GNAO1: variants seen among roughly 807,000 people sequenced by gnomAD.
GNAO1 encodes G protein subunit alpha o1.
For synonymous variants in GNAO1, 164 were observed against 180.7 expected (o/e 0.91, Z 0.74); for missense variants, 166 against 478.7 (o/e 0.35, Z 6.10).
intron 2 of GNAO1, chr16:56,192,993 T>C (rs1409887845): frequency 1.0e-5 from 2 of 196,012 alleles, no homozygotes; most frequent in South Asian, 2.0e-4. Flanking sequence ...TCATTCTGTC[T>C]CTATTTCTTT....
intron 3 of GNAO1, among the ~76,000 whole-genome samples, chr16:56,325,689 T>G (rs1163910615): frequency 6.6e-6 from 1 of 152,008 alleles, no homozygotes; most frequent in Non-Finnish European, 1.5e-5. Flanking sequence ...CCTCCTCCAG[T>G]GCTGAGCATC....
At chr16:56,232,552 CT>C (rs2036599294) in intron 2 of GNAO1, among the ~76,000 whole-genome samples, 1 of 152,158 alleles carries the variant, frequency 6.6e-6, no homozygotes, top group Non-Finnish European at 1.5e-5. Context: ...TCCAACAGCT[CT>C]TTTTGTGTAA....
intron 2 of GNAO1, among the ~76,000 whole-genome samples, chr16:56,265,087 G>A (rs892659466): frequency 2.0e-4 from 31 of 152,320 alleles, no homozygotes; most frequent in African/African-American, 7.2e-4. Flanking sequence ...CCTCCCTTGG[G>A]AGAAGCACCC....
rs2037925227 is a variant in GNAO1 at position 56,351,895 on chromosome 16, C to T, written c.877+358C>T. ...TGTAATCTCAGCAGTGGCCTCCCCTCACCCCTGCCCAGAGCCCCACAGCAC... is the reference window on the plus strand; with the variant it reads ...TGTAATCTCAGCAGTGGCCTCCCCTTACCCCTGCCCAGAGCCCCACAGCAC... On this transcript the variant is annotated intron_variant, in intron 7 of 8. Transcript: ENST00000262493. This position sits in a 1 kb window ranked among gnomAD's most constrained non-coding sequence, Gnocchi z 6.1. 2 of 220,120 alleles carry T rather than the reference C, an allele frequency of 9.1e-6. No individual in the cohort carries two copies. The highest frequency in any genetic ancestry group is 1.9e-4 in the South Asian group (2 of 10,656). The allele number at this position is 220,120 out of a possible 1,614,324, so 13.6% of individuals were successfully genotyped here.
At chr16:56,282,128 A>G (rs1159631684) in intron 3 of GNAO1, among the ~76,000 whole-genome samples, 1 of 137,448 alleles carries the variant, frequency 7.3e-6, no homozygotes, top group Non-Finnish European at 1.6e-5. Flanking sequence ...CTCTAGCACA[A>G]TGCCTAATAC....
At chr16:56,278,356 C>A (rs186545912) in intron 3 of GNAO1, among the ~76,000 whole-genome samples, 1 of 152,324 alleles carries the variant, frequency 6.6e-6, no homozygotes, top group African/African-American at 2.4e-5. Flanking sequence ...GGCACTCAGG[C>A]ACCCCCTTCC....
intron 5 of GNAO1, among the ~76,000 whole-genome samples, chr16:56,335,551 A>C (rs1300492155): frequency 6.6e-6 from 1 of 152,218 alleles, no homozygotes; most frequent in Non-Finnish European, 1.5e-5. Flanking sequence ...CTGGATTCTA[A>C]TATTCCCTGC....
At chr16:56,349,444 A>C (rs1251217504) in intron 6 of GNAO1, among the ~76,000 whole-genome samples, 5 of 152,162 alleles carry the variant, frequency 3.3e-5, no homozygotes, top group Non-Finnish European at 5.9e-5. Flanking sequence ...GGACAGCCCG[A>C]GGCCCTGGAC....
intron 2 of GNAO1, among the ~76,000 whole-genome samples, chr16:56,236,443 T>C (rs2036637925): frequency 1.3e-5 from 2 of 152,040 alleles, no homozygotes; most frequent in Non-Finnish European, 2.9e-5. Context: ...AAAGTGGAGG[T>C]GGCTTTCTTA....
rs557158501 is a variant in GNAO1 at position 56,241,061 on chromosome 16, C to T, written c.162-34870C>T. Among the ~76,000 whole-genome samples, 4 of 152,336 alleles carry T rather than the reference C, an allele frequency of 2.6e-5. No homozygotes were observed. In the East Asian group the frequency reaches 7.7e-4, roughly 29 times the overall value. ...TACATGGTGGCCCAGGCTTTACTTC[C>T]TGCTTTTTGGAGTGGGACCTCGAGA... On this transcript the variant is annotated intron_variant, in intron 2 of 8. Coordinates refer to ENST00000262493, the MANE Select transcript of GNAO1 (RefSeq NM_020988.3).
At chr16:56,312,849 C>A (rs2037473782) in intron 3 of GNAO1, among the ~76,000 whole-genome samples, 1 of 152,198 alleles carries the variant, frequency 6.6e-6, no homozygotes, top group African/African-American at 2.4e-5. Context: ...ATAGCATGGG[C>A]TCACCGAGTC....
In GNAO1 at chr16:56,194,687, G is replaced by C. The variant is rs1211180692; in HGVS notation, c.161+2071G>C. The C allele has an allele frequency of 1.8e-5, 3 of 167,306 alleles. No individual in the cohort carries two copies. In the East Asian group the frequency reaches 4.7e-4, roughly 26 times the overall value. The allele number at this position is 167,306 out of a possible 1,614,324, so 10.4% of individuals were successfully genotyped here. A position where few individuals can be genotyped will look rare whatever the true frequency, so the allele number is the denominator to read the frequency against. On this transcript the variant is annotated intron_variant, in intron 2 of 8. Transcript: ENST00000262493. ...ACTCGGGGGAGGGGAGTGCGCAGGA[G>C]GGGAAGGAGGAGGGGGAGAGGCCAG...
At chr16:56,216,500 C>T (rs1248986803) in intron 2 of GNAO1, among the ~76,000 whole-genome samples, 1 of 152,208 alleles carries the variant, frequency 6.6e-6, no homozygotes, top group African/African-American at 2.4e-5. Flanking sequence ...TGCCCCAGCA[C>T]CTGCTTCAGG....
chr16:56,346,717 G>A (rs915115483), intron 6 of GNAO1: 11 of 985,558 alleles, frequency 1.1e-5, no homozygotes, highest in Non-Finnish European at 1.3e-5. Flanking sequence ...GGACGCAGCT[G>A]TCTCCCAGGC....
At chr16:56,231,657 TTAAA>T (rs1294759038) in intron 2 of GNAO1, among the ~76,000 whole-genome samples, 4 of 152,146 alleles carry the variant, frequency 2.6e-5, no homozygotes, top group Non-Finnish European at 4.4e-5. Flanking sequence ...TCTGAACCAC[TTAAA>T]TAAATCTGAA....
intron 6 of GNAO1, chr16:56,341,102 A>G: frequency 1.2e-6 from 1 of 823,424 alleles, no homozygotes; most frequent in East Asian, 2.5e-5. Flanking sequence ...GAGAATCCAC[A>G]CAAACGGTCC....
intron 2 of GNAO1, among the ~76,000 whole-genome samples, chr16:56,273,858 C>T (rs2037038821): frequency 6.6e-6 from 1 of 152,204 alleles, no homozygotes; most frequent in Admixed American, 6.5e-5. Flanking sequence ...TTGAATATCT[C>T]CCAGCCTTGA....
At chr16:56,224,885 A>G (rs2036521222) in intron 2 of GNAO1, among the ~76,000 whole-genome samples, 2 of 152,178 alleles carry the variant, frequency 1.3e-5, no homozygotes, top group African/African-American at 2.4e-5. Context: ...GTCTCAAACA[A>G]TCCTCGTTTC....
intron 6 of GNAO1, among the ~76,000 whole-genome samples, chr16:56,342,106 C>T (rs1414261208): frequency 6.6e-6 from 1 of 152,230 alleles, no homozygotes; most frequent in African/African-American, 2.4e-5. Context: ...AGCCAGCTTC[C>T]TCTCTAGCCA....
Sources: allele counts gnomAD v4.1 joint callset (sites outside exome capture counted in the v4.1 genomes callset), GRCh38; gene constraint gnomAD v4.1.1; non-coding constraint Gnocchi (gnomAD v3.1); transcripts MANE v1.5; gene names NCBI Gene and HGNC (gene_info 2026-07-23, HGNC 2026-07-21).